USO1: variants seen among roughly 807,000 people sequenced by gnomAD.
USO1 encodes the protein USO1 vesicle transport factor.
Under a neutral mutation model 124.5 loss-of-function variants are expected in USO1, and 57 were observed. The ratio of observed to expected loss-of-function variants is 0.46; its 90% CI spans 0.37 to 0.57. The LOEUF is 0.57. Among genes scored for constraint, USO1 ranks in the 20% least tolerant of loss-of-function variants. The pLI is 0.00. For synonymous variants in USO1, 369 were observed against 362.8 expected (o/e 1.02, Z -0.19); for missense variants, 900 against 1,040.6 (o/e 0.86, Z 1.86).
chr4:75,729,289 G>A (rs189209272), intron 1 of USO1, among the ~76,000 whole-genome samples: 5 of 151,930 alleles, frequency 3.3e-5, no homozygotes, highest in African/African-American at 1.2e-4. Flanking sequence ...GCTTTTGAAT[G>A]TAAGCTTATG....
intron 4 of USO1, among the ~76,000 whole-genome samples, chr4:75,758,781 A>G (rs145207050): frequency 3.2e-4 from 48 of 152,240 alleles, no homozygotes; most frequent in African/African-American, 1.1e-3. Flanking sequence ...AACTTTATTA[A>G]TTTCTTAAGG....
chr4:75,745,226 A>G, intron 1 of USO1: 3 of 401,820 alleles, frequency 7.5e-6, no homozygotes, highest in Non-Finnish European at 1.4e-5. Flanking sequence ...ATATATATAT[A>G]GTACTGATAT....
chr4:75,806,061 G>T (rs945573436), intron 19 of USO1, among the ~76,000 whole-genome samples: 1 of 151,940 alleles, frequency 6.6e-6, no homozygotes, highest in African/African-American at 2.4e-5. Flanking sequence ...GCACAATCTC[G>T]GCTCACTGCA....
chr4:75,728,902 C>T lies in USO1; in HGVS notation c.66+4017C>T, dbSNP rs193284394. Among the ~76,000 whole-genome samples the T allele has an allele frequency of 8.8e-4, 133 of 151,640 alleles. 1 individual carries two copies. Among genetic ancestry groups the T allele is most frequent in the African/African-American group, 3.0e-3 (126 of 41,352 alleles). ...CAAGCTCCCCCTCCCGGGTTCACGC[C>T]ATTCTTCTGCCTCAGCCTCCCAAGT... On this transcript the variant is annotated intron_variant, in intron 1 of 23. Transcript: ENST00000514213.
At chr4:75,739,327 T>C (rs1720888100) in intron 1 of USO1, among the ~76,000 whole-genome samples, 1 of 152,128 alleles carries the variant, frequency 6.6e-6, no homozygotes, top group African/African-American at 2.4e-5. Context: ...CTAAAATATA[T>C]TTGTATCGCA....
chr4:75,728,946 C>G (rs185604230), intron 1 of USO1, among the ~76,000 whole-genome samples: 2 of 151,952 alleles, frequency 1.3e-5, no homozygotes, highest in Non-Finnish European at 2.9e-5. Flanking sequence ...CTACAGGTGT[C>G]TGCCACCACA....
chr4:75,751,062 ATG>A (rs1721285872), intron 1 of USO1, among the ~76,000 whole-genome samples: 2 of 152,052 alleles, frequency 1.3e-5, no homozygotes, highest in African/African-American at 2.4e-5. Flanking sequence ...CCATCAAAGA[ATG>A]TATTACAATT....
At chr4:75,749,761 T>G (rs1222693550) in intron 1 of USO1, among the ~76,000 whole-genome samples, 2 of 151,420 alleles carry the variant, frequency 1.3e-5, no homozygotes, top group Non-Finnish European at 2.9e-5. Context: ...CTTTTTTTTT[T>G]TTTTCTCCCG....
At chr4:75,808,756 G>A (rs1347336583) in intron 20 of USO1, among the ~76,000 whole-genome samples, 197 bp from the exon 21 acceptor site, 1 of 127,402 alleles carries the variant, frequency 7.8e-6, no homozygotes, top group Non-Finnish European at 1.7e-5. Context: ...TTTTTTGCAT[G>A]GGATTTCAGG....
intron 20 of USO1, among the ~76,000 whole-genome samples, chr4:75,807,542 T>C (rs1308435994): frequency 1.3e-5 from 2 of 152,198 alleles, no homozygotes; most frequent in Non-Finnish European, 2.9e-5. Context: ...ATAATGTCCA[T>C]GTACCTCAGA....
At chr4:75,736,709 C>A (rs982944557) in intron 1 of USO1, among the ~76,000 whole-genome samples, 2 of 152,152 alleles carry the variant, frequency 1.3e-5, no homozygotes, top group Non-Finnish European at 2.9e-5. Context: ...ACACTAAAGT[C>A]TCTTCTAATA....
intron 13 of USO1, chr4:75,795,249 A>T (rs1417727389): frequency 1.4e-6 from 1 of 693,486 alleles, no homozygotes; most frequent in Non-Finnish European, 2.6e-6. Context: ...TAGAGAGACT[A>T]TGAAAAAGTA....
At chr4:75,770,286 T>G (rs139448941) in intron 4 of USO1, 153 bp from the exon 5 acceptor site, 6 of 554,252 alleles carry the variant, frequency 1.1e-5, no homozygotes, top group African/African-American at 5.8e-5. Flanking sequence ...GGATATAGCT[T>G]TACATAATAA....
At chr4:75,751,794 C>G (rs1305674858) in intron 1 of USO1, among the ~76,000 whole-genome samples, 3 of 151,472 alleles carry the variant, frequency 2.0e-5, no homozygotes, top group African/African-American at 7.3e-5. Flanking sequence ...ATCGCATTGT[C>G]GCACTCCAGC....
intron 1 of USO1, chr4:75,744,957 C>G: frequency 2.0e-6 from 1 of 492,860 alleles, no homozygotes; most frequent in Non-Finnish European, 4.0e-6. Flanking sequence ...GTGACTGTTC[C>G]AGATGTCTTA....
intron 13 of USO1, among the ~76,000 whole-genome samples, chr4:75,795,006 A>C (rs865925543): frequency 2.0e-5 from 3 of 152,212 alleles, no homozygotes; most frequent in South Asian, 2.1e-4. Flanking sequence ...AACAGTAATT[A>C]TCTCTCTCAT....
At chr4:75,806,602 T>A in intron 20 of USO1, 30 bp downstream of exon 20, 1 of 1,546,882 alleles carries the variant, frequency 6.5e-7, no homozygotes, top group Non-Finnish European at 8.7e-7. Flanking sequence ...CAATTCTACT[T>A]TGTCATGTTT....
At position 75,799,609 on chromosome 4, in the gene USO1, T is replaced by G. The variant is rs1048747479; in HGVS notation, c.1453-13T>G. ...AATGAATGGAAAGATTTCTACCAAT[T>G]TATCTGTTGCAGGGAAGCAAAATAC... On this transcript the variant is annotated splice_polypyrimidine_tract_variant and intron_variant, in intron 13 of 23. Transcript: ENST00000514213. 7 of 1,610,972 alleles carry G rather than the reference T, an allele frequency of 4.3e-6. No homozygotes were observed. The African/African-American group carries it at 8.0e-5, about 18-fold the overall frequency.
At chr4:75,807,996 A>G (rs1187275138) in intron 20 of USO1, among the ~76,000 whole-genome samples, 1 of 152,180 alleles carries the variant, frequency 6.6e-6, no homozygotes, top group Non-Finnish European at 1.5e-5. Flanking sequence ...TAAATTAGAA[A>G]AGCCACAAAT....
Sources: gnomAD v4.1 joint callset for allele counts (sites outside exome capture counted in the v4.1 genomes callset) on GRCh38, gnomAD v4.1.1 for gene constraint, MANE v1.5 for transcripts, NCBI Gene and HGNC (gene_info 2026-07-23, HGNC 2026-07-21) for gene names.